CCNL2: variants seen among roughly 807,000 people sequenced by gnomAD.
The protein encoded by CCNL2 is cyclin L2.
CCNL2 carries 28 observed loss-of-function variants against 59.1 expected under a neutral mutation model. The observed-to-expected ratio is 0.47, with a 90% CI of 0.35 to 0.65. The LOEUF (loss-of-function observed/expected upper bound fraction) is 0.65, where lower values mean the gene tolerates loss of function less well. Ranked by LOEUF, CCNL2 falls within the 30% of genes least tolerant of loss-of-function variation. The pLI, the probability that CCNL2 is intolerant of heterozygous loss-of-function variation, is 0.00. For synonymous variants in CCNL2, 342 were observed against 288.6 expected (o/e 1.19, Z -1.88); for missense variants, 714 against 717.4 (o/e 1.00, Z 0.05).
chr1:1,388,562 T>C (rs1340826475), intron 8 of CCNL2: 7 of 333,542 alleles, frequency 2.1e-5, no homozygotes, highest in East Asian at 1.0e-4. Flanking sequence ...CATGTGAGTG[T>C]GTGTCTCTCT....
chr1:1,386,828 G>A lies in CCNL2; in HGVS notation c.*403C>T, dbSNP rs747934697. 4 of 183,918 alleles carry A rather than the reference G, an allele frequency of 2.2e-5. No individual in the cohort carries two copies. Among genetic ancestry groups the A allele is most frequent in the East Asian group, 1.4e-4 (1 of 7,212 alleles). 11.4% of individuals were successfully genotyped at this position (183,918 alleles called of 1,614,324 possible). ...TAAGTACAACCTAATATAGGCAAAG[G>A]TTCTAAAAATCATCTTTCTTGGCTT... On this transcript the variant is annotated 3_prime_UTR_variant, in exon 11 of 11. Coordinates refer to ENST00000400809, the MANE Select transcript of CCNL2 (RefSeq NM_030937.6).
chr1:1,388,772 GA>G (rs775917140), intron 8 of CCNL2: 18,302 of 153,728 alleles, frequency 0.12, 1 homozygote, highest in South Asian at 0.14. Flanking sequence ...CTCCGTCTCA[GA>G]AAAAAAAAAA....
chr1:1,390,809 C>T lies in CCNL2; in HGVS notation c.716G>A (p.Ser239Asn), dbSNP rs1644724775. ...AAGATAAATGCAGGCACAGGCGATGCTCTCTGGCTGGAACCGCACGAAGAC... is the reference window on the plus strand; with the variant it reads ...AAGATAAATGCAGGCACAGGCGATGTTCTCTGGCTGGAACCGCACGAAGAC... ...TDVFVRFQPE[S>N]IACACIYLAA... The change falls in exon 6 of 11, where the codon AGC becomes AAC. Residue 239 changes from serine to asparagine, a missense_variant. Around this residue, in one of 5 missense-constraint regions of CCNL2, gnomAD observed 19 missense variants for 40.8 expected, o/e 0.47. Coordinates refer to ENST00000400809, the MANE Select transcript of CCNL2 (RefSeq NM_030937.6). The T allele has an allele frequency of 6.2e-7, 1 of 1,614,182 alleles. No homozygotes were observed. Among genetic ancestry groups the T allele is most frequent in the Non-Finnish European group, 8.5e-7 (1 of 1,180,026 alleles).
Position 1,387,499 on chromosome 1 carries a change from G to A in CCNL2, c.1295C>T (p.Ala432Val). 1.3e-6 allele frequency: 2 copies of A among 1,586,672 alleles called. No individual in the cohort carries two copies. The highest frequency in any genetic ancestry group is 1.1e-5 in the South Asian group (1 of 88,324). ...GCCTTTGTAGGGAGCGCTGCGGGGG[G>A]CCTGTCTCGGTGGGGAGTCACTCCT... ...RSRSDSPPRQAPRSAPYKGSE... is the reference protein window; with the variant it reads ...RSRSDSPPRQVPRSAPYKGSE... Residue 432 changes from alanine to valine, a missense_variant, in exon 11 of 11, where the codon GCC becomes GTC. Ala to Val is a moderately conservative substitution (Grantham distance 64). Transcript: ENST00000400809.
In CCNL2 at chr1:1,394,052, G is replaced by C. The variant is rs566542304; in HGVS notation, c.595-592C>G. 6.7e-4 allele frequency among the ~76,000 whole-genome samples: 102 copies of C among 152,026 alleles called. 1 individual carries two copies. In the South Asian group the frequency reaches 7.3e-3, roughly 11 times the overall value. Reference sequence around the variant, plus strand: ...GAGGCAGGAGAATCGCTTGAAACCAGGAGGCGGAGGCTGCATGAGCTGAGG... The same window carrying C: ...GAGGCAGGAGAATCGCTTGAAACCACGAGGCGGAGGCTGCATGAGCTGAGG... On this transcript the variant is annotated intron_variant, in intron 4 of 10. Transcript: ENST00000400809.
chr1:1,386,954 G>T lies in CCNL2; in HGVS notation c.*277C>A. On this transcript the variant is annotated 3_prime_UTR_variant, in exon 11 of 11. Transcript: ENST00000400809. Reference sequence around the variant, plus strand: ...GGGCGTGTGCATTCACTTTTTCATTGAGCTGCCCTCAGAGCTGCTGCCGAG... The same window carrying T: ...GGGCGTGTGCATTCACTTTTTCATTTAGCTGCCCTCAGAGCTGCTGCCGAG... The T allele has an allele frequency of 2.6e-6, 1 of 388,610 alleles. No homozygotes were observed. Among genetic ancestry groups the T allele is most frequent in the Non-Finnish European group, 4.6e-6 (1 of 217,342 alleles). The allele number at this position is 388,610 out of a possible 1,614,324, so 24.1% of individuals were successfully genotyped here. A position where few individuals can be genotyped will look rare whatever the true frequency, so the allele number is the denominator to read the frequency against.
chr1:1,391,418 C>T (rs1644755518), intron 5 of CCNL2: 2 of 1,198,314 alleles, frequency 1.7e-6, no homozygotes, highest in Non-Finnish European at 2.1e-6. Flanking sequence ...GACCGAGCTG[C>T]AGCTTCCTTG....
chr1:1,388,631 C>T (rs548782415), intron 8 of CCNL2: 6 of 411,956 alleles, frequency 1.5e-5, no homozygotes, highest in South Asian at 3.6e-5. Context: ...ATTACCTGAG[C>T]GTGGTGGTGG....
Position 1,398,327 on chromosome 1 carries a change from A to C in CCNL2, c.379T>G (p.Cys127Gly). 4 of 1,614,196 alleles carry C rather than the reference A, an allele frequency of 2.5e-6. No homozygotes were observed. Among genetic ancestry groups the C allele is most frequent in the South Asian group, 2.2e-5 (2 of 91,082 alleles). ...TCTATCTTGGAAGCCAGGTGGACAC[A>C]GGCCATTGACACATGCTGAAGCGGA... The part of the protein sequence containing the change: ...KHSMEHVSMA[C>G]VHLASKIEEA... Residue 127 changes from cysteine (C) to glycine (G), a missense_variant, in exon 3 of 11, where the codon TGT becomes GGT. By Grantham distance (159) the Cys-to-Gly change is radical. Transcript: ENST00000400809.
At chr1:1,387,722 C>G in intron 10 of CCNL2, 55 bp downstream of exon 10, 1 of 1,505,750 alleles carries the variant, frequency 6.6e-7, no homozygotes, top group South Asian at 1.2e-5. Context: ...ATGATTACCC[C>G]GAGGGACAGC....
Position 1,387,129 on chromosome 1 carries a change from G to C in CCNL2, c.*102C>G. 1.1e-6 allele frequency: 1 copy of C among 873,062 alleles called. No homozygotes were observed. Among genetic ancestry groups the C allele is most frequent in the Non-Finnish European group, 1.8e-6 (1 of 558,764 alleles). 54.1% of individuals were successfully genotyped at this position (873,062 alleles called of 1,614,324 possible). A position where few individuals can be genotyped will look rare whatever the true frequency, so the allele number is the denominator to read the frequency against. On this transcript the variant is annotated 3_prime_UTR_variant, in exon 11 of 11. Coordinates refer to ENST00000400809, the MANE Select transcript of CCNL2 (RefSeq NM_030937.6). ...CCTGTTCTAGGACCACTTGCGCTGA[G>C]AGCACACCCGGGGGTCAAAGGGCAG...
chr1:1,390,147 C>T, intron 8 of CCNL2, 83 bp downstream of exon 8: 1 of 1,260,288 alleles, frequency 7.9e-7, no homozygotes, highest in Non-Finnish European at 1.1e-6. Flanking sequence ...CTGGAAGGAG[C>T]ACATACCCCA....
intron 4 of CCNL2, among the ~76,000 whole-genome samples, chr1:1,394,996 G>A (rs1380379518): frequency 2.0e-5 from 3 of 151,606 alleles, no homozygotes; most frequent in African/African-American, 7.3e-5. Context: ...GGTGGAGGTT[G>A]TGCCTCCACT....
intron 3 of CCNL2, 34 bp from the exon 4 acceptor site, chr1:1,395,548 G>A (rs1271993139): frequency 6.2e-7 from 1 of 1,612,304 alleles, no homozygotes; most frequent in Middle Eastern, 1.7e-4. Flanking sequence ...CTGCACCACA[G>A]TCAAGCAGAG....
At position 1,386,577 on chromosome 1, in the gene CCNL2, TC is replaced by T. The variant is rs1234840565; in HGVS notation, c.*653del. 1 of 152,612 alleles carries T rather than the reference TC, an allele frequency of 6.6e-6. No individual in the cohort carries two copies. The highest frequency in any genetic ancestry group is 2.4e-5 in the African/African-American group (1 of 41,450). The allele number at this position is 152,612 out of a possible 1,614,324, so 9.5% of individuals were successfully genotyped here. On this transcript the variant is annotated 3_prime_UTR_variant, in exon 11 of 11. Transcript: ENST00000400809. ...CTATTTAGGAGCTGGTGGCCTGCAC[TC>T]AGCACCGCACAGATAAAAATATACG... is the stretch of plus-strand genomic sequence containing the variant.
In CCNL2 at chr1:1,387,757, G is replaced by A; in HGVS notation, c.1211+20C>T. 1 of 1,534,266 alleles carries A rather than the reference G, an allele frequency of 6.5e-7. No individual in the cohort carries two copies. Among genetic ancestry groups the A allele is most frequent in the Non-Finnish European group, 8.9e-7 (1 of 1,124,630 alleles). On this transcript the variant is annotated intron_variant, in intron 10 of 10. Transcript: ENST00000400809. ...CCCCACCCCGGTATCGGCCTCCTGG[G>A]TGCGCCCTGAGGCACACACCTCCTC...
At chr1:1,398,879 G>A (rs1645204478) in intron 1 of CCNL2, 140 bp downstream of exon 1, 2 of 1,380,876 alleles carry the variant, frequency 1.4e-6, no homozygotes, top group Non-Finnish European at 1.9e-6. Flanking sequence ...GCTGGCTAGG[G>A]AATGGCGCCG....
At chr1:1,396,582 T>TG (rs1369464420) in intron 3 of CCNL2, among the ~76,000 whole-genome samples, 1 of 137,710 alleles carries the variant, frequency 7.3e-6, no homozygotes, top group Non-Finnish European at 1.6e-5. Flanking sequence ...TTTTTTTTTT[T>TG]TTTTTTTTTT....
At chr1:1,398,096 C>T (rs904933086) in intron 3 of CCNL2, 137 bp downstream of exon 3, 13 of 787,412 alleles carry the variant, frequency 1.7e-5, no homozygotes, top group Middle Eastern at 3.2e-4. Context: ...GTTGGTGGAG[C>T]TTGAGACTGC....
Sources: allele counts gnomAD v4.1 joint callset (sites outside exome capture counted in the v4.1 genomes callset), GRCh38; gene constraint gnomAD v4.1.1; regional missense constraint gnomAD v4.1.1; transcripts MANE v1.5; gene names NCBI Gene and HGNC (gene_info 2026-07-23, HGNC 2026-07-21).